Variants in BCL2 observed in about 807,000 individuals in gnomAD.
BCL2 encodes BCL2 apoptosis regulator, also known as apoptosis regulator Bcl-2.
BCL2 carries 1 observed loss-of-function variant against 14.2 expected under a neutral mutation model. The ratio of observed to expected loss-of-function variants is 0.07; its 90% confidence interval spans 0.02 to 0.33. The LOEUF (loss-of-function observed/expected upper bound fraction) is 0.33, where lower values mean the gene tolerates loss of function less well. BCL2 is among the 10% of genes least tolerant of loss of function. The pLI, the probability that BCL2 is intolerant of heterozygous loss-of-function variation, is 0.99. For synonymous variants in BCL2, 151 were observed against 137.2 expected, an observed-to-expected ratio of 1.10 and a Z score of -0.70; for missense variants, 247 against 305.9, an observed-to-expected ratio of 0.81 and a Z score of 1.44.
At chr18:63,281,910 G>A (rs535224857) in intron 2 of BCL2, among the ~76,000 whole-genome samples, 15 of 152,190 alleles carry the variant, frequency 9.9e-5, no homozygotes, top group Admixed American at 7.2e-4. Flanking sequence ...GCTGGTAGTC[G>A]GGTTTGTTAT....
chr18:63,211,675 G>A (rs1910008766), intron 2 of BCL2, among the ~76,000 whole-genome samples: 1 of 152,190 alleles, frequency 6.6e-6, no homozygotes, highest in Non-Finnish European at 1.5e-5. Context: ...GGTACTCGAC[G>A]ATAGTATGTG....
chr18:63,208,735 G>A (rs911388178), intron 2 of BCL2, among the ~76,000 whole-genome samples: 1 of 152,206 alleles, frequency 6.6e-6, no homozygotes, highest in African/African-American at 2.4e-5. Flanking sequence ...CTGGGCACCA[G>A]TGGAAGTTTA....
chr18:63,283,753 G>T (rs993620504), intron 2 of BCL2, among the ~76,000 whole-genome samples: 2 of 152,122 alleles, frequency 1.3e-5, no homozygotes, highest in African/African-American at 4.8e-5. Context: ...GGAATTTTCA[G>T]TTCAATTCTA....
chr18:63,274,738 C>T (rs12968517), intron 2 of BCL2, among the ~76,000 whole-genome samples: 54,018 of 152,002 alleles, frequency 0.36, 9,922 homozygotes, highest in Middle Eastern at 0.47. Flanking sequence ...AGTAAAACCC[C>T]GGGTGTGGAG....
At chr18:63,199,669 A>C (rs1263652715) in intron 2 of BCL2, among the ~76,000 whole-genome samples, 1 of 152,018 alleles carries the variant, frequency 6.6e-6, no homozygotes, top group Non-Finnish European at 1.5e-5. Context: ...GTACACAGAC[A>C]TACACACAGG....
In BCL2 at chr18:63,127,551, G is replaced by C; in HGVS notation, c.*1074C>G. ...CTCCATCAGCTTCCAGACATTCGGA[G>C]ACCACACTGCCCTGTTGATCATCCC... On this transcript the variant is annotated 3_prime_UTR_variant, in exon 3 of 3. Transcript: ENST00000333681. The C allele has an allele frequency of 4.3e-6, 1 of 231,422 alleles. No individual in the cohort carries two copies. Among genetic ancestry groups the C allele is most frequent in the East Asian group, 6.1e-5 (1 of 16,464 alleles). 14.3% of individuals were successfully genotyped at this position (231,422 alleles called of 1,614,324 possible).
At chr18:63,207,128 C>A (rs1858692893) in intron 2 of BCL2, among the ~76,000 whole-genome samples, 1 of 152,156 alleles carries the variant, frequency 6.6e-6, no homozygotes, top group Non-Finnish European at 1.5e-5. Context: ...GACAGAAAAG[C>A]CTTTCCAAAG....
At chr18:63,217,464 T>C (rs1910236604) in intron 2 of BCL2, among the ~76,000 whole-genome samples, 1 of 152,152 alleles carries the variant, frequency 6.6e-6, no homozygotes, top group South Asian at 2.1e-4. Context: ...CATAGAGTAG[T>C]AGGGTTTTCC....
At position 63,123,802 on chromosome 18, in the gene BCL2, G is replaced by A. The variant is rs1038002758; in HGVS notation, c.*4823C>T. The stretch of plus-strand genomic sequence containing the variant: ...CACTCTTGCAAATTCTACCTTGGAG[G>A]GAAAAACTTAATGAAATGAGCTATC... On this transcript the variant is annotated 3_prime_UTR_variant, in exon 3 of 3. Coordinates refer to ENST00000333681, the MANE Select transcript of BCL2 (RefSeq NM_000633.3). The A allele has an allele frequency of 4.6e-6, 1 of 218,868 alleles. No individual in the cohort carries two copies. 13.6% of individuals were successfully genotyped at this position (218,868 alleles called of 1,614,324 possible).
intron 2 of BCL2, among the ~76,000 whole-genome samples, chr18:63,298,402 AG>A (rs748540769): frequency 6.6e-6 from 1 of 152,152 alleles, no homozygotes; most frequent in Non-Finnish European, 1.5e-5. Context: ...TCCTAAAGCA[AG>A]GTTTACCCTC....
chr18:63,262,032 G>A (rs943288291), intron 2 of BCL2, among the ~76,000 whole-genome samples: 2 of 152,038 alleles, frequency 1.3e-5, no homozygotes, highest in Non-Finnish European at 2.9e-5. Context: ...TGCCCGCCTC[G>A]GCCTCCCAAA....
chr18:63,159,680 A>T (rs779669741), intron 2 of BCL2, among the ~76,000 whole-genome samples: 8 of 152,208 alleles, frequency 5.3e-5, no homozygotes, highest in Non-Finnish European at 1.2e-4. Flanking sequence ...GGGGTGTTGT[A>T]TTCAGGAAAT....
intron 2 of BCL2, among the ~76,000 whole-genome samples, chr18:63,150,469 G>A (rs553997691): frequency 4.2e-4 from 64 of 152,238 alleles, no homozygotes; most frequent in African/African-American, 1.1e-3. Context: ...TATTGCTAAC[G>A]TACGTCTTCT....
At chr18:63,161,712 T>A (rs529365514) in intron 2 of BCL2, 2 of 152,210 alleles carry the variant, frequency 1.3e-5, no homozygotes, top group Admixed American at 1.3e-4. Flanking sequence ...GGGGTTCCCA[T>A]CAACAAAAAG....
Position 63,128,459 on chromosome 18 carries a change from A to T in BCL2, c.*166T>A. On this transcript the variant is annotated 3_prime_UTR_variant, in exon 3 of 3. Coordinates refer to ENST00000333681, the MANE Select transcript of BCL2 (RefSeq NM_000633.3). ...TCGACGTTTTGCCTGAAGACTGTTA[A>T]TTGTTGTGTGTGTGTGTGTCTGTCT... 1 of 490,720 alleles carries T rather than the reference A, an allele frequency of 2.0e-6. No homozygotes were observed. 30.4% of individuals were successfully genotyped at this position (490,720 alleles called of 1,614,324 possible).
intron 2 of BCL2, among the ~76,000 whole-genome samples, chr18:63,272,313 G>T (rs75180623): frequency 1.3e-5 from 2 of 152,256 alleles, no homozygotes; most frequent in African/African-American, 4.8e-5. Flanking sequence ...AGGGATCAGC[G>T]GCTAAGACAC....
At chr18:63,296,802 A>G (rs1316173957) in intron 2 of BCL2, among the ~76,000 whole-genome samples, 1 of 152,252 alleles carries the variant, frequency 6.6e-6, no homozygotes, top group East Asian at 1.9e-4. Flanking sequence ...TCATTGAAGA[A>G]AAAAGGAAAG....
At chr18:63,276,999 G>A (rs891216254) in intron 2 of BCL2, among the ~76,000 whole-genome samples, 5 of 152,128 alleles carry the variant, frequency 3.3e-5, no homozygotes, top group Non-Finnish European at 7.4e-5. Context: ...TTTTGGGTCT[G>A]GCCAGGGCTG....
intron 2 of BCL2, among the ~76,000 whole-genome samples, chr18:63,189,913 G>T (rs1313779499): frequency 5.3e-5 from 8 of 152,128 alleles, no homozygotes; most frequent in Non-Finnish European, 8.8e-5. Flanking sequence ...ATATTTTGTT[G>T]TATTTGAATT....
Sources: gnomAD v4.1 joint callset for allele counts (sites outside exome capture counted in the v4.1 genomes callset) on GRCh38, gnomAD v4.1.1 for gene constraint, MANE v1.5 for transcripts, NCBI Gene and HGNC (gene_info 2026-07-23, HGNC 2026-07-21) for gene names.